CDH13: variants seen among roughly 807,000 people sequenced by gnomAD.
CDH13 encodes the protein cadherin 13, also known as cadherin-13.
CDH13 carries 24 observed loss-of-function variants against 63.8 expected under a neutral mutation model. That is an observed-to-expected ratio of 0.38 (90% CI 0.27 to 0.53). The LOEUF (loss-of-function observed/expected upper bound fraction) is 0.53, where lower values mean the gene tolerates loss of function less well. Ranked by LOEUF, CDH13 falls within the 20% of genes least tolerant of loss-of-function variation. CDH13 has a pLI of 0.85. For missense variants in CDH13, 1,049 were observed against 903.1 expected (o/e 1.16, Z -2.07); for synonymous variants, 503 against 355.3 (o/e 1.42, Z -4.67).
At chr16:82,988,391 G>C (rs910750785) in intron 2 of CDH13, among the ~76,000 whole-genome samples, 4 of 152,096 alleles carry the variant, frequency 2.6e-5, no homozygotes, top group Admixed American at 6.5e-5. Flanking sequence ...GTGTGAAGTA[G>C]AGAAATTGGA....
chr16:83,103,047 G>T (rs1389925903), intron 3 of CDH13, among the ~76,000 whole-genome samples: 1 of 142,100 alleles, frequency 7.0e-6, no homozygotes, highest in Non-Finnish European at 1.5e-5. Context: ...CTGCCTCCCT[G>T]GTTCAAACAA....
chr16:83,463,376 G>T (rs559860136), intron 6 of CDH13, among the ~76,000 whole-genome samples: 2 of 152,178 alleles, frequency 1.3e-5, no homozygotes, highest in Non-Finnish European at 1.5e-5. Context: ...CTGGCTGGGG[G>T]CTCGGCTCCA....
chr16:82,652,921 C>G (rs780297905), intron 1 of CDH13, among the ~76,000 whole-genome samples: 1 of 152,074 alleles, frequency 6.6e-6, no homozygotes, highest in African/African-American at 2.4e-5. Context: ...GTTCTTCATC[C>G]CACTCCTTCA....
At chr16:82,859,213 G>A (rs1239332818) in intron 2 of CDH13, 1 of 152,204 alleles carries the variant, frequency 6.6e-6, no homozygotes, top group African/African-American at 2.4e-5. Context: ...AGGCTCTTGA[G>A]TACCTTGCTT....
intron 6 of CDH13, among the ~76,000 whole-genome samples, chr16:83,419,243 T>C (rs556778591): frequency 6.6e-6 from 1 of 152,166 alleles, no homozygotes; most frequent in African/African-American, 2.4e-5. Context: ...TTTACTGAGA[T>C]GACATTTACT....
At chr16:83,696,001 C>T (rs1567522753) in intron 10 of CDH13, among the ~76,000 whole-genome samples, 1 of 152,068 alleles carries the variant, frequency 6.6e-6, no homozygotes, top group East Asian at 1.9e-4. Context: ...GGGATCCTCC[C>T]ACCTCAGCCT....
chr16:82,937,300 C>T (rs1435338419), intron 2 of CDH13, among the ~76,000 whole-genome samples: 1 of 151,972 alleles, frequency 6.6e-6, no homozygotes, highest in Non-Finnish European at 1.5e-5. Flanking sequence ...TCCTTACTTC[C>T]CTTTGTTGCT....
At chr16:82,728,665 C>G (rs1191381760) in intron 1 of CDH13, among the ~76,000 whole-genome samples, 1 of 152,054 alleles carries the variant, frequency 6.6e-6, no homozygotes, top group East Asian at 1.9e-4. Context: ...TCTGGCTGAT[C>G]AGGGTGGGGG....
At chr16:83,333,426 C>G (rs906362396) in intron 5 of CDH13, among the ~76,000 whole-genome samples, 24 of 152,132 alleles carry the variant, frequency 1.6e-4, no homozygotes, top group African/African-American at 5.5e-4. Context: ...ATGATTGGCA[C>G]CTCTCTCAGA....
intron 3 of CDH13, among the ~76,000 whole-genome samples, chr16:83,095,912 G>A (rs866345159): frequency 4.6e-5 from 7 of 152,300 alleles, no homozygotes; most frequent in Middle Eastern, 6.8e-3. Flanking sequence ...ACAGAGAAAG[G>A]CAATATTAAT....
At chr16:83,186,298 C>G (rs140159111) in intron 4 of CDH13, among the ~76,000 whole-genome samples, 2,606 of 151,916 alleles carry the variant, frequency 0.017, 30 homozygotes, top group Non-Finnish European at 0.028. Context: ...ACCACCATGC[C>G]AAGCTAATTT....
chr16:83,781,373 T>C (rs569805924), intron 12 of CDH13, among the ~76,000 whole-genome samples: 7 of 152,358 alleles, frequency 4.6e-5, no homozygotes, highest in African/African-American at 1.4e-4. Flanking sequence ...AATATACTTA[T>C]CCTGCTGTTG....
chr16:83,727,089 T>A (rs1401247748), intron 10 of CDH13, among the ~76,000 whole-genome samples: 3 of 152,192 alleles, frequency 2.0e-5, no homozygotes, highest in Non-Finnish European at 2.9e-5. Flanking sequence ...TTTAGTGTAG[T>A]CACAGAGTTG....
intron 6 of CDH13, among the ~76,000 whole-genome samples, chr16:83,413,507 A>G (rs1433982560): frequency 1.3e-5 from 2 of 152,250 alleles, no homozygotes; most frequent in African/African-American, 2.4e-5. Flanking sequence ...AAATTTCATT[A>G]TGCAATGCGG....
At chr16:83,755,485 A>G (rs1356909496) in intron 11 of CDH13, among the ~76,000 whole-genome samples, 1 of 151,866 alleles carries the variant, frequency 6.6e-6, no homozygotes, top group Non-Finnish European at 1.5e-5. Context: ...AAATTTGAAG[A>G]AAAACACACC....
At chr16:82,986,763 T>C (rs1472300813) in intron 2 of CDH13, among the ~76,000 whole-genome samples, 2 of 152,194 alleles carry the variant, frequency 1.3e-5, no homozygotes, top group African/African-American at 2.4e-5. Context: ...TGTAAGACCA[T>C]GGCAAGGTGA....
At chr16:82,816,441 C>G (rs1477485567) in intron 1 of CDH13, among the ~76,000 whole-genome samples, 1 of 151,998 alleles carries the variant, frequency 6.6e-6, no homozygotes, top group Admixed American at 6.6e-5. Flanking sequence ...ATGAAGATGG[C>G]AAAGGCTATG....
chr16:83,419,622 C>A (rs2071655229), intron 6 of CDH13, among the ~76,000 whole-genome samples: 1 of 152,198 alleles, frequency 6.6e-6, no homozygotes. Flanking sequence ...ATATTTCCTA[C>A]ATAGAGGGGA....
intron 2 of CDH13, among the ~76,000 whole-genome samples, chr16:82,970,746 A>G (rs1409322126): frequency 6.6e-6 from 1 of 152,098 alleles, no homozygotes; most frequent in Non-Finnish European, 1.5e-5. Context: ...ATAATAGATT[A>G]AGTTCCAGTG....
Sources: gnomAD v4.1 joint callset for allele counts (sites outside exome capture counted in the v4.1 genomes callset) on GRCh38, gnomAD v4.1.1 for gene constraint, MANE v1.5 for transcripts, NCBI Gene and HGNC (gene_info 2026-07-23, HGNC 2026-07-21) for gene names.